The following SMG6 variants were observed in gnomAD, a reference collection of about 807,000 sequenced individuals.
The protein encoded by SMG6 is telomerase-binding protein EST1A.
In SMG6, 66 loss-of-function variants were observed where a neutral mutation model predicts 142.2. The ratio of observed to expected loss-of-function variants is 0.46; its 90% confidence interval spans 0.38 to 0.57. The LOEUF is 0.57. Among genes scored for constraint, SMG6 ranks in the 20% least tolerant of loss-of-function variants. The pLI is 0.00. For missense variants in SMG6, 1,793 were observed against 1,832.0 expected, an observed-to-expected ratio of 0.98 and a Z score of 0.39; for synonymous variants, 779 against 702.4, an observed-to-expected ratio of 1.11 and a Z score of -1.72.
rs758449183 is a variant in SMG6, at chr17:2,292,375, G to C, written c.2337+177C>G. Reference sequence around the variant, plus strand: ...GAGATGAAGTACAGAGTTAAGTGAAGTGAGGAATCCCTGACAACTTAATTC... The same window carrying C: ...GAGATGAAGTACAGAGTTAAGTGAACTGAGGAATCCCTGACAACTTAATTC... On this transcript the variant is annotated intron_variant, in intron 6 of 18. Transcript: ENST00000263073. Among the ~76,000 whole-genome samples the C allele has an allele frequency of 1.1e-4, 17 of 152,342 alleles. No individual in the cohort carries two copies. In the Middle Eastern group the frequency reaches 0.01, roughly 91 times the overall value.
chr17:2,118,990 T>A (rs1380198976), intron 13 of SMG6, among the ~76,000 whole-genome samples: 2 of 150,734 alleles, frequency 1.3e-5, no homozygotes, highest in Non-Finnish European at 2.9e-5. Context: ...AACCTCCGTC[T>A]CCCGGTTCAA....
At chr17:2,230,753 G>A (rs2073467321) in intron 10 of SMG6, among the ~76,000 whole-genome samples, 1 of 152,192 alleles carries the variant, frequency 6.6e-6, no homozygotes, top group African/African-American at 2.4e-5. Context: ...AAAGAGGGCA[G>A]AGCTGAAGCA....
intron 13 of SMG6, among the ~76,000 whole-genome samples, chr17:2,106,766 T>C (rs2069167222): frequency 6.6e-6 from 1 of 151,652 alleles, no homozygotes. Context: ...AACCTCCGTG[T>C]CCCTGCTGAC....
intron 8 of SMG6, among the ~76,000 whole-genome samples, chr17:2,246,317 C>A (rs1043523164): frequency 6.6e-6 from 1 of 152,186 alleles, no homozygotes; most frequent in Non-Finnish European, 1.5e-5. Flanking sequence ...AGAATCTTGA[C>A]CCCAGGATCC....
chr17:2,234,638 G>C (rs532126537), intron 10 of SMG6, among the ~76,000 whole-genome samples: 2 of 152,186 alleles, frequency 1.3e-5, no homozygotes, highest in East Asian at 1.9e-4. Context: ...AAAAGGCCAA[G>C]GTATTCCTTT....
At chr17:2,221,846 C>A (rs2073178656) in intron 10 of SMG6, among the ~76,000 whole-genome samples, 1 of 152,098 alleles carries the variant, frequency 6.6e-6, no homozygotes, top group Non-Finnish European at 1.5e-5. Context: ...CGGGTTAACG[C>A]CAGTCTCCTG....
chr17:2,250,453 T>G (rs1468307758), intron 8 of SMG6, among the ~76,000 whole-genome samples: 1 of 151,592 alleles, frequency 6.6e-6, no homozygotes, highest in East Asian at 1.9e-4. Flanking sequence ...AGTGGCACAA[T>G]CAAGGCTCAC....
At chr17:2,164,383 AC>A (rs1234176460) in intron 13 of SMG6, among the ~76,000 whole-genome samples, 1 of 152,022 alleles carries the variant, frequency 6.6e-6, no homozygotes, top group African/African-American at 2.4e-5. Flanking sequence ...AGATCATGCT[AC>A]TGCACTCCAG....
intron 13 of SMG6, among the ~76,000 whole-genome samples, chr17:2,170,860 C>T (rs528883380): frequency 6.4e-4 from 98 of 152,198 alleles, no homozygotes; most frequent in African/African-American, 2.3e-3. Context: ...GGAACATTCT[C>T]TTGGTTCAAT....
At chr17:2,242,068 T>A (rs2073814931) in intron 9 of SMG6, among the ~76,000 whole-genome samples, 1 of 152,052 alleles carries the variant, frequency 6.6e-6, no homozygotes, top group African/African-American at 2.4e-5. Flanking sequence ...GTCATCTGGC[T>A]CAAAATGTCG....
At chr17:2,209,986 AG>A (rs2072799142) in intron 10 of SMG6, among the ~76,000 whole-genome samples, 1 of 152,152 alleles carries the variant, frequency 6.6e-6, no homozygotes, top group South Asian at 2.1e-4. Flanking sequence ...AGCTAAAGAA[AG>A]GCACTTCCCC....
At chr17:2,205,996 G>A (rs1476012728) in intron 10 of SMG6, among the ~76,000 whole-genome samples, 1 of 151,898 alleles carries the variant, frequency 6.6e-6, no homozygotes, top group Non-Finnish European at 1.5e-5. Context: ...TTTAGTAGAG[G>A]TGGCATTTAA....
At chr17:2,292,842 G>A in intron 5 of SMG6, 29 bp downstream of exon 5, 1 of 1,585,770 alleles carries the variant, frequency 6.3e-7, no homozygotes, top group Non-Finnish European at 8.7e-7. Flanking sequence ...ACATAGGGAA[G>A]AGAAATAACG....
rs748469473 is a variant in SMG6, at chr17:2,282,746, C to T, written c.2562G>A (p.Glu854=). 3.7e-6 allele frequency: 6 copies of T among 1,614,210 alleles called. No homozygotes were observed. The highest frequency in any genetic ancestry group is 5.1e-6 in the Non-Finnish European group (6 of 1,180,044). The change falls in exon 8 of 19, where the codon GAG becomes GAA. Residue 854 remains glutamate, a synonymous_variant. Transcript: ENST00000263073. ...RHVGDDTTRL[E]IWIHPSHPRS... ...GTGGATGGGATGGATGAATCCAGAT[C>T]TCCAGGCGAGTGGTGTCATCTCCAA...
intron 13 of SMG6, chr17:2,117,488 T>C (rs945193535): frequency 6.6e-6 from 1 of 152,150 alleles, no homozygotes; most frequent in South Asian, 2.1e-4. Context: ...CAAAAGTCAA[T>C]TGTATTTTCA....
intron 1 of SMG6, among the ~76,000 whole-genome samples, chr17:2,301,239 T>C (rs2075271323): frequency 6.6e-6 from 1 of 152,230 alleles, no homozygotes; most frequent in East Asian, 1.9e-4. Flanking sequence ...TTGACCAGGA[T>C]GATTCTCTTC....
At chr17:2,292,791 C>A in intron 5 of SMG6, 80 bp downstream of exon 5, 1 of 1,416,708 alleles carries the variant, frequency 7.1e-7, no homozygotes. Flanking sequence ...TGTACAACAC[C>A]CACATGGCCT....
In SMG6 at chr17:2,292,591, C is replaced by G; in HGVS notation, c.2298G>C (p.Gly766=). ...LKAQHIAPKN[G]RPYNQLALLA... is the part of the protein sequence containing the mutation. ...GCAAAGCCAACTGGTTATAGGGGCG[C>G]CCATTCTTGGGAGCAATGTGCTGGG... The change falls in exon 6 of 19, where the codon GGG becomes GGC. Residue 766 remains glycine, a synonymous_variant. Coordinates refer to ENST00000263073, the MANE Select transcript of SMG6 (RefSeq NM_017575.5). 2 of 1,614,186 alleles carry G rather than the reference C, an allele frequency of 1.2e-6. No homozygotes were observed. The highest frequency in any genetic ancestry group is 1.7e-6 in the Non-Finnish European group (2 of 1,180,022).
intron 13 of SMG6, among the ~76,000 whole-genome samples, chr17:2,119,139 C>G (rs894507949): frequency 4.6e-5 from 7 of 151,442 alleles, no homozygotes; most frequent in Non-Finnish European, 1.5e-5. Context: ...CTTACTGCAA[C>G]CTCCGTCTCC....
Sources: allele counts gnomAD v4.1 joint callset (sites outside exome capture counted in the v4.1 genomes callset), GRCh38; gene constraint gnomAD v4.1.1; transcripts MANE v1.5; gene names NCBI Gene and HGNC (gene_info 2026-07-23, HGNC 2026-07-21).